The following THSD7B variants were observed in gnomAD, a reference collection of about 807,000 sequenced individuals.
THSD7B encodes the protein thrombospondin type 1 domain containing 7B.
Under a neutral mutation model 213.6 loss-of-function variants are expected in THSD7B, and 138 were observed. The observed-to-expected ratio is 0.65, with a 90% CI of 0.56 to 0.74. The LOEUF (loss-of-function observed/expected upper bound fraction) is 0.74, where lower values mean the gene tolerates loss of function less well. Ranked by LOEUF, THSD7B falls within the 30% of genes least tolerant of loss-of-function variation. The pLI is 0.00. For synonymous variants in THSD7B, 742 were observed against 687.0 expected, an observed-to-expected ratio of 1.08 and a Z score of -1.25; for missense variants, 1,931 against 1,991.5, an observed-to-expected ratio of 0.97 and a Z score of 0.58.
At chr2:136,771,598 A>G (rs1681506406) in intron 1 of THSD7B, among the ~76,000 whole-genome samples, 2 of 152,130 alleles carry the variant, frequency 1.3e-5, no homozygotes, top group South Asian at 2.1e-4. Context: ...AATTATATCT[A>G]TTAGTCAAAA....
At chr2:137,423,552 A>G (rs1686974421) in intron 14 of THSD7B, among the ~76,000 whole-genome samples, 2 of 152,218 alleles carry the variant, frequency 1.3e-5, no homozygotes, top group East Asian at 1.9e-4. Flanking sequence ...AGCATCAAAA[A>G]GACTGAAAGA....
chr2:136,948,540 G>C (rs1000375297), intron 2 of THSD7B, among the ~76,000 whole-genome samples: 2 of 151,954 alleles, frequency 1.3e-5, no homozygotes, highest in Non-Finnish European at 2.9e-5. Context: ...ATTCAGGTGA[G>C]GGAAAGATTA....
chr2:137,057,302 A>G, intron 3 of THSD7B, 72 bp downstream of exon 3: 2 of 1,367,714 alleles, frequency 1.5e-6, no homozygotes, highest in South Asian at 1.5e-5. Flanking sequence ...AAGCTTCTTT[A>G]TGATTTTCTA....
chr2:137,488,878 T>C (rs546884902), intron 15 of THSD7B, among the ~76,000 whole-genome samples: 1 of 152,304 alleles, frequency 6.6e-6, no homozygotes, highest in Non-Finnish European at 1.5e-5. Flanking sequence ...TTTCCCAGCT[T>C]GATGGGGGAC....
chr2:137,172,914 G>A lies in THSD7B; in HGVS notation c.1723+1976G>A, dbSNP rs115359096. On this transcript the variant is annotated intron_variant, in intron 7 of 27. Transcript: ENST00000409968. The stretch of plus-strand genomic sequence containing the variant: ...TACAGAAGTGTTCTGTGTTGAGTTT[G>A]GAGTAAGAAGTGAAGTATGGAAGTT... Among the ~76,000 whole-genome samples the A allele has an allele frequency of 2.5e-3, 386 of 152,252 alleles. 1 individual carries two copies. The highest frequency in any genetic ancestry group is 9.0e-3 in the African/African-American group (376 of 41,560).
chr2:137,448,691 C>T (rs1352912729), intron 14 of THSD7B, among the ~76,000 whole-genome samples: 1 of 152,036 alleles, frequency 6.6e-6, no homozygotes, highest in Non-Finnish European at 1.5e-5. Flanking sequence ...CCCAGCTACT[C>T]GGGAGGCTGA....
At chr2:137,444,170 G>A (rs376642656) in intron 14 of THSD7B, among the ~76,000 whole-genome samples, 2 of 151,920 alleles carry the variant, frequency 1.3e-5, no homozygotes, top group South Asian at 2.1e-4. Flanking sequence ...CCTAAACAAG[G>A]TTGGAAGCAT....
chr2:137,190,913 G>A (rs1160870480), intron 7 of THSD7B, among the ~76,000 whole-genome samples: 2 of 152,218 alleles, frequency 1.3e-5, no homozygotes, highest in Non-Finnish European at 2.9e-5. Flanking sequence ...GCTGGCAGCG[G>A]ACTGCTGCGT....
At chr2:137,616,097 C>T in intron 17 of THSD7B, 78 bp from the exon 18 acceptor site, 1 of 1,426,664 alleles carries the variant, frequency 7.0e-7, no homozygotes, top group Non-Finnish European at 9.5e-7. Flanking sequence ...ACATATGTGC[C>T]TACTTATACC....
At chr2:136,883,223 A>T (rs1683654679) in intron 2 of THSD7B, among the ~76,000 whole-genome samples, 1 of 152,084 alleles carries the variant, frequency 6.6e-6, no homozygotes, top group Non-Finnish European at 1.5e-5. Flanking sequence ...CATCATCTGT[A>T]AATTAAATAG....
chr2:137,396,490 A>C (rs1344944587), intron 12 of THSD7B, among the ~76,000 whole-genome samples: 1 of 146,286 alleles, frequency 6.8e-6, no homozygotes, highest in African/African-American at 2.5e-5. Context: ...GAGATTCTTA[A>C]TCCTGAGTTC....
intron 12 of THSD7B, among the ~76,000 whole-genome samples, chr2:137,348,020 C>T (rs752618478): frequency 2.0e-5 from 3 of 150,712 alleles, no homozygotes; most frequent in Non-Finnish European, 4.4e-5. Context: ...ACCAGAGTTT[C>T]ACAGTAGCTG....
chr2:137,291,408 C>T (rs2104833432), intron 12 of THSD7B, among the ~76,000 whole-genome samples: 1 of 152,210 alleles, frequency 6.6e-6, no homozygotes, highest in Middle Eastern at 3.4e-3. Flanking sequence ...ATCCCCAGTG[C>T]CCCAAATAGT....
chr2:136,795,534 A>G (rs1328597616), intron 1 of THSD7B, among the ~76,000 whole-genome samples: 4 of 151,990 alleles, frequency 2.6e-5, no homozygotes, highest in African/African-American at 9.7e-5. Context: ...CGACATGGAC[A>G]TCTTTGTGAG....
intron 7 of THSD7B, among the ~76,000 whole-genome samples, chr2:137,176,562 A>C (rs1680361348): frequency 6.6e-6 from 1 of 152,204 alleles, no homozygotes; most frequent in Non-Finnish European, 1.5e-5. Flanking sequence ...AATAGTCAGA[A>C]GTAATGGGTT....
chr2:136,771,189 C>G (rs1344957275), intron 1 of THSD7B, among the ~76,000 whole-genome samples: 2 of 152,100 alleles, frequency 1.3e-5, no homozygotes, highest in African/African-American at 4.8e-5. Context: ...CTTCCATTCA[C>G]TTTTGTGATT....
chr2:137,025,281 G>C (rs1686527217), intron 2 of THSD7B, among the ~76,000 whole-genome samples: 1 of 151,992 alleles, frequency 6.6e-6, no homozygotes, highest in African/African-American at 2.4e-5. Flanking sequence ...CACGATTTTG[G>C]CCCCAAATGC....
chr2:137,127,922 C>CA (rs71400564), intron 5 of THSD7B, among the ~76,000 whole-genome samples: 15,317 of 151,558 alleles, frequency 0.1, 911 homozygotes, highest in East Asian at 0.31. Flanking sequence ...TGCCACAAAA[C>CA]AAAACGAAAC....
At chr2:137,633,312 A>G (rs1682775875) in intron 20 of THSD7B, among the ~76,000 whole-genome samples, 1 of 152,196 alleles carries the variant, frequency 6.6e-6, no homozygotes, top group Non-Finnish European at 1.5e-5. Flanking sequence ...TCAGAAATTT[A>G]CTGTGATGAG....
Sources: gnomAD v4.1 joint callset for allele counts (sites outside exome capture counted in the v4.1 genomes callset) on GRCh38, gnomAD v4.1.1 for gene constraint, MANE v1.5 for transcripts, NCBI Gene and HGNC (gene_info 2026-07-23, HGNC 2026-07-21) for gene names.